Variants in DMRT1 observed in about 807,000 individuals in gnomAD.
DMRT1 encodes doublesex- and mab-3-related transcription factor 1.
A neutral mutation model predicts 32.3 loss-of-function variants in DMRT1; 7 were observed. That is an observed-to-expected ratio of 0.22 (90% CI 0.12 to 0.41). DMRT1 has a LOEUF of 0.41. DMRT1 is among the 10% of genes least tolerant of loss of function. The probability of loss-of-function intolerance (pLI) is 1.00; values close to 1 mark genes in which losing one functional copy is unlikely to be tolerated. For synonymous variants in DMRT1, 278 were observed against 206.1 expected, an observed-to-expected ratio of 1.35 and a Z score of -2.99; for missense variants, 625 against 500.5, an observed-to-expected ratio of 1.25 and a Z score of -2.37.
chr9:844,719 C>CTTTTTTT (rs35980858), intron 1 of DMRT1, among the ~76,000 whole-genome samples: 3 of 116,884 alleles, frequency 2.6e-5, no homozygotes, highest in African/African-American at 3.4e-5. Flanking sequence ...TTCTTTCTTT[C>CTTTTTTT]TTTTTTTTTT....
chr9:931,220 G>A (rs755461879), intron 4 of DMRT1, among the ~76,000 whole-genome samples: 2 of 152,160 alleles, frequency 1.3e-5, no homozygotes, highest in African/African-American at 2.4e-5. Flanking sequence ...GTTAAATAAC[G>A]TTCCATTATA....
intron 2 of DMRT1, among the ~76,000 whole-genome samples, 182 bp downstream of exon 2, chr9:847,325 C>G (rs919307413): frequency 3.9e-5 from 6 of 152,166 alleles, no homozygotes; most frequent in African/African-American, 1.4e-4. Flanking sequence ...GCCGTGAATT[C>G]TAGAAATGCA....
intron 4 of DMRT1, among the ~76,000 whole-genome samples, chr9:948,539 C>G (rs1819321989): frequency 6.6e-6 from 1 of 152,102 alleles, no homozygotes; most frequent in Non-Finnish European, 1.5e-5. Context: ...GGAAGCCTCT[C>G]TGCTGGCCCG....
chr9:900,622 TA>T (rs1283806725), intron 3 of DMRT1, among the ~76,000 whole-genome samples: 2 of 149,830 alleles, frequency 1.3e-5, no homozygotes, highest in Non-Finnish European at 3.0e-5. Flanking sequence ...AAAATACTCT[TA>T]AATTGAAAAA....
intron 4 of DMRT1, among the ~76,000 whole-genome samples, chr9:927,445 C>T (rs908587640): frequency 6.6e-5 from 10 of 152,148 alleles, no homozygotes; most frequent in African/African-American, 1.9e-4. Flanking sequence ...ATCCAGATTG[C>T]GATGTGACAT....
chr9:937,495 C>T (rs917618934), intron 4 of DMRT1, among the ~76,000 whole-genome samples: 16 of 152,204 alleles, frequency 1.1e-4, no homozygotes, highest in African/African-American at 3.9e-4. Flanking sequence ...TTTCCATATC[C>T]TTCCCAACTC....
At chr9:951,750 C>T (rs914324784) in intron 4 of DMRT1, among the ~76,000 whole-genome samples, 1 of 152,052 alleles carries the variant, frequency 6.6e-6, no homozygotes, top group African/African-American at 2.4e-5. Flanking sequence ...TGGGAGTGGA[C>T]CAGGGGCCAC....
chr9:892,434 T>G (rs896880311), intron 2 of DMRT1, among the ~76,000 whole-genome samples: 3 of 149,022 alleles, frequency 2.0e-5, no homozygotes, highest in African/African-American at 7.5e-5. Flanking sequence ...GCCCACCCTC[T>G]GCTCTACACA....
intron 3 of DMRT1, among the ~76,000 whole-genome samples, chr9:898,804 C>G (rs1485025693): frequency 2.6e-5 from 4 of 152,194 alleles, no homozygotes; most frequent in East Asian, 1.9e-4. Flanking sequence ...TTTTTATTAG[C>G]TATCCTGCCT....
At chr9:891,490 T>C (rs940151347) in intron 2 of DMRT1, among the ~76,000 whole-genome samples, 2 of 141,910 alleles carry the variant, frequency 1.4e-5, no homozygotes, top group African/African-American at 5.3e-5. Context: ...AACGACAAGA[T>C]CTTATGACTC....
intron 2 of DMRT1, among the ~76,000 whole-genome samples, chr9:880,260 C>T (rs894817700): frequency 6.6e-6 from 1 of 152,100 alleles, no homozygotes; most frequent in African/African-American, 2.4e-5. Context: ...GTGAGTCCTT[C>T]CCATTGAGTC....
At chr9:912,511 A>G (rs1818025168) in intron 3 of DMRT1, among the ~76,000 whole-genome samples, 1 of 152,216 alleles carries the variant, frequency 6.6e-6, no homozygotes, top group African/African-American at 2.4e-5. Context: ...GCTTTTGGAA[A>G]ACATGGAAAA....
intron 3 of DMRT1, among the ~76,000 whole-genome samples, chr9:906,052 C>CAG (rs1817765599): frequency 1.3e-5 from 1 of 75,350 alleles, no homozygotes; most frequent in African/African-American, 3.0e-5. Flanking sequence ...CACACACACA[C>CAG]TCACACACTC....
intron 2 of DMRT1, among the ~76,000 whole-genome samples, chr9:883,170 C>A (rs1200482372): frequency 6.6e-6 from 1 of 151,866 alleles, no homozygotes; most frequent in Non-Finnish European, 1.5e-5. Flanking sequence ...ACCAAGCCCG[C>A]TCCTATCTTT....
At position 883,043 on chromosome 9, in the gene DMRT1, A is replaced by G. The variant is rs922748032; in HGVS notation, c.539-10869A>G. ...CGCCTCGGCCTCTCAAAGTGCTGGG[A>G]TTACAGGCATGAGCCACCAAGCCTG... is the stretch of plus-strand genomic sequence containing the variant. On this transcript the variant is annotated intron_variant, in intron 2 of 4. Coordinates refer to ENST00000382276, the MANE Select transcript of DMRT1 (RefSeq NM_021951.3). Among the ~76,000 whole-genome samples the G allele has an allele frequency of 2.6e-5, 4 of 151,800 alleles. No homozygotes were observed. In the South Asian group the frequency reaches 6.3e-4, roughly 24 times the overall value.
At chr9:914,401 T>C (rs546063551) in intron 3 of DMRT1, among the ~76,000 whole-genome samples, 11 of 151,868 alleles carry the variant, frequency 7.2e-5, no homozygotes, top group African/African-American at 2.4e-4. Flanking sequence ...GGTAAAACCC[T>C]GTCTCTTCTA....
At chr9:864,191 C>T (rs923297210) in intron 2 of DMRT1, among the ~76,000 whole-genome samples, 102 of 64,842 alleles carry the variant, frequency 1.6e-3, no homozygotes, top group African/African-American at 3.2e-3. Flanking sequence ...ATTCTTTTAA[C>T]TTCTTCTTCT....
intron 3 of DMRT1, among the ~76,000 whole-genome samples, chr9:909,402 AG>A (rs908384287): frequency 6.6e-5 from 10 of 152,190 alleles, no homozygotes; most frequent in Non-Finnish European, 1.5e-4. Context: ...TTTTGGGTGA[AG>A]CCCTTTGCGT....
At chr9:927,797 G>C (rs529055834) in intron 4 of DMRT1, among the ~76,000 whole-genome samples, 3 of 152,180 alleles carry the variant, frequency 2.0e-5, no homozygotes, top group African/African-American at 7.2e-5. Flanking sequence ...AGAGTAGATG[G>C]TTATTTCAGT....
Sources: allele counts gnomAD v4.1 joint callset (sites outside exome capture counted in the v4.1 genomes callset), GRCh38; gene constraint gnomAD v4.1.1; transcripts MANE v1.5; gene names NCBI Gene and HGNC (gene_info 2026-07-23, HGNC 2026-07-21).